The following SCFD2 variants were observed in gnomAD, a reference collection of about 807,000 sequenced individuals.
SCFD2 encodes the protein sec1 family domain containing 2.
Under a neutral mutation model 58.9 loss-of-function variants are expected in SCFD2, and 54 were observed. That is an observed-to-expected ratio of 0.92 (90% CI 0.74 to 1.15). The LOEUF is 1.15. Ranked by LOEUF, SCFD2 falls within the 50% of genes most tolerant of loss-of-function variation. The probability of loss-of-function intolerance (pLI) is 0.00; values close to 1 mark genes in which losing one functional copy is unlikely to be tolerated. For synonymous variants in SCFD2, 321 were observed against 335.9 expected (o/e 0.96, Z 0.49); for missense variants, 805 against 836.6 (o/e 0.96, Z 0.47).
At chr4:53,275,163 T>A (rs1164868258) in intron 3 of SCFD2, among the ~76,000 whole-genome samples, 1 of 152,244 alleles carries the variant, frequency 6.6e-6, no homozygotes, top group Non-Finnish European at 1.5e-5. Context: ...GCTAAGAAAG[T>A]AATGTCTTAC....
chr4:53,305,453 T>C (rs1455310813), intron 3 of SCFD2, among the ~76,000 whole-genome samples: 3 of 152,224 alleles, frequency 2.0e-5, no homozygotes, highest in African/African-American at 7.2e-5. Flanking sequence ...GTGTACAGGA[T>C]CTATTACATA....
In SCFD2 at chr4:52,926,411, C is replaced by T. The variant is rs533900468; in HGVS notation, c.1562-5541G>A. Among the ~76,000 whole-genome samples the T allele has an allele frequency of 5.3e-5, 8 of 152,186 alleles. No homozygotes were observed. In the South Asian group the frequency reaches 1.2e-3, roughly 24 times the overall value. On this transcript the variant is annotated intron_variant, in intron 5 of 8. Transcript: ENST00000401642. ...ACACAGACACACACACGCACGCGTG[C>T]GCACCTGTACACATATGCATTTATG...
chr4:53,050,645 AT>A (rs1007839311), intron 5 of SCFD2, among the ~76,000 whole-genome samples: 43 of 152,268 alleles, frequency 2.8e-4, no homozygotes, highest in African/African-American at 8.9e-4. Flanking sequence ...ATTCCAACCC[AT>A]TCTCCACATT....
intron 4 of SCFD2, among the ~76,000 whole-genome samples, chr4:53,216,510 T>TA (rs1728841280): frequency 6.6e-6 from 1 of 152,226 alleles, no homozygotes; most frequent in South Asian, 2.1e-4. Flanking sequence ...TATCATTTTT[T>TA]ATTGCATCTA....
At chr4:53,316,052 G>C (rs918489142) in intron 2 of SCFD2, among the ~76,000 whole-genome samples, 3 of 152,032 alleles carry the variant, frequency 2.0e-5, no homozygotes, top group African/African-American at 7.2e-5. Flanking sequence ...CTCCCTCCAG[G>C]TATCTGCTAA....
chr4:53,094,890 C>T (rs1401808683), intron 5 of SCFD2, among the ~76,000 whole-genome samples: 2 of 152,104 alleles, frequency 1.3e-5, no homozygotes, highest in Admixed American at 6.6e-5. Flanking sequence ...ACTGAAGCTG[C>T]TATTGCTTTT....
intron 4 of SCFD2, among the ~76,000 whole-genome samples, chr4:53,171,919 T>C (rs1727189433): frequency 1.3e-5 from 2 of 151,294 alleles, no homozygotes; most frequent in African/African-American, 2.4e-5. Context: ...ATTTCAGCTA[T>C]CTTTTCAAAA....
chr4:53,301,329 C>G (rs973675892), intron 3 of SCFD2, among the ~76,000 whole-genome samples: 9 of 152,152 alleles, frequency 5.9e-5, no homozygotes, highest in Non-Finnish European at 7.4e-5. Context: ...CACCTCTATG[C>G]AAATAAACTA....
At chr4:52,986,585 G>A (rs137872041) in intron 5 of SCFD2, among the ~76,000 whole-genome samples, 5,107 of 135,294 alleles carry the variant, frequency 0.038, 128 homozygotes, top group Admixed American at 0.079. Context: ...TGCAAGCTCC[G>A]CCTCCCGGGT....
intron 5 of SCFD2, among the ~76,000 whole-genome samples, chr4:53,000,672 G>T (rs1721844058): frequency 6.6e-6 from 1 of 152,160 alleles, no homozygotes; most frequent in Admixed American, 6.5e-5. Context: ...ACTGCCCCTG[G>T]TCCTCGCTGT....
intron 2 of SCFD2, among the ~76,000 whole-genome samples, chr4:53,344,063 A>G (rs935816673): frequency 2.0e-5 from 3 of 151,824 alleles, no homozygotes; most frequent in Non-Finnish European, 2.9e-5. Context: ...CTCTCTCACC[A>G]CTCCTATTCA....
intron 7 of SCFD2, among the ~76,000 whole-genome samples, chr4:52,887,002 ATTTG>A (rs1298314446): frequency 6.6e-6 from 1 of 152,058 alleles, no homozygotes; most frequent in African/African-American, 2.4e-5. Context: ...TTGTTTATTT[ATTTG>A]TTTACTTGTT....
intron 4 of SCFD2, among the ~76,000 whole-genome samples, chr4:53,249,983 C>A (rs1282372075): frequency 1.3e-5 from 2 of 152,126 alleles, no homozygotes; most frequent in Non-Finnish European, 2.9e-5. Flanking sequence ...ACTAAATGCT[C>A]CCATTAAAAG....
chr4:52,920,972 TTTATTA>T lies in SCFD2; in HGVS notation c.1562-108_1562-103del, dbSNP rs1206735107. On this transcript the variant is annotated intron_variant, in intron 5 of 8. Transcript: ENST00000401642. ...TGTAGTTGGGAGGTTTTTTTTTTTCTTTATTATTATTATTATTATTGTTATTTTTTA... is the reference window on the plus strand; with the variant it reads ...TGTAGTTGGGAGGTTTTTTTTTTTCTTTATTATTATTATTGTTATTTTTTA... The T allele has an allele frequency of 8.2e-5, 40 of 485,558 alleles. 2 individuals carry two copies. In the South Asian group the frequency reaches 1.3e-3, roughly 15 times the overall value. 30.1% of individuals were successfully genotyped at this position (485,558 alleles called of 1,614,324 possible). A position where few individuals can be genotyped will look rare whatever the true frequency, so the allele number is the denominator to read the frequency against.
intron 8 of SCFD2, among the ~76,000 whole-genome samples, chr4:52,879,498 T>C (rs2109440817): frequency 6.6e-6 from 1 of 152,340 alleles, no homozygotes; most frequent in South Asian, 2.1e-4. Flanking sequence ...AGCAAGCCTC[T>C]GTGTCAAAGC....
At chr4:53,278,892 A>G (rs1179231723) in intron 3 of SCFD2, among the ~76,000 whole-genome samples, 1 of 152,116 alleles carries the variant, frequency 6.6e-6, no homozygotes, top group Non-Finnish European at 1.5e-5. Context: ...TCTAAAAAAA[A>G]AAAAAAAAGG....
intron 4 of SCFD2, among the ~76,000 whole-genome samples, chr4:53,150,844 T>C (rs544277221): frequency 1.4e-3 from 212 of 152,362 alleles, no homozygotes; most frequent in African/African-American, 5.0e-3. Flanking sequence ...CATAACAGGA[T>C]AGTCTTTGTA....
chr4:53,300,975 T>C (rs1055452070), intron 3 of SCFD2, among the ~76,000 whole-genome samples: 1 of 152,156 alleles, frequency 6.6e-6, no homozygotes, highest in Admixed American at 6.5e-5. Context: ...TTTATAGCAC[T>C]AAATGCCCAC....
chr4:52,881,287 C>T (rs1718603862), intron 8 of SCFD2, among the ~76,000 whole-genome samples: 1 of 152,242 alleles, frequency 6.6e-6, no homozygotes, highest in South Asian at 2.1e-4. Flanking sequence ...CTTTGAACAG[C>T]TGATCCCCGA....
Sources: gnomAD v4.1 joint callset for allele counts (sites outside exome capture counted in the v4.1 genomes callset) on GRCh38, gnomAD v4.1.1 for gene constraint, MANE v1.5 for transcripts, NCBI Gene and HGNC (gene_info 2026-07-23, HGNC 2026-07-21) for gene names.